Variants in PCDH9 observed in about 807,000 individuals in gnomAD.
PCDH9 encodes the protein protocadherin 9.
A neutral mutation model predicts 70.6 loss-of-function variants in PCDH9; 24 were observed. The observed-to-expected ratio is 0.34, with a 90% confidence interval of 0.25 to 0.48. The LOEUF (loss-of-function observed/expected upper bound fraction) is 0.48, where lower values mean the gene tolerates loss of function less well. Ranked by LOEUF, PCDH9 falls within the 20% of genes least tolerant of loss-of-function variation. PCDH9 has a pLI of 0.99. For synonymous variants in PCDH9, 562 were observed against 558.5 expected (o/e 1.01, Z -0.09); for missense variants, 1,281 against 1,503.6 (o/e 0.85, Z 2.45).
intron 3 of PCDH9, among the ~76,000 whole-genome samples, chr13:66,800,737 A>G (rs2080313260): frequency 6.6e-6 from 1 of 152,182 alleles, no homozygotes; most frequent in Non-Finnish European, 1.5e-5. Flanking sequence ...CTTGGTGAAA[A>G]TCAATCTTTG....
At chr13:66,902,110 C>T (rs1374973835) in intron 3 of PCDH9, among the ~76,000 whole-genome samples, 1 of 151,442 alleles carries the variant, frequency 6.6e-6, no homozygotes, top group South Asian at 2.1e-4. Flanking sequence ...TTGAAACATA[C>T]ACAGTGAAGA....
intron 4 of PCDH9, among the ~76,000 whole-genome samples, chr13:66,528,122 T>C (rs1246511572): frequency 6.6e-6 from 1 of 152,198 alleles, no homozygotes; most frequent in Non-Finnish European, 1.5e-5. Flanking sequence ...CTTTTTCTTT[T>C]CTGCAATTTC....
intron 4 of PCDH9, among the ~76,000 whole-genome samples, chr13:66,538,326 C>A (rs1452709573): frequency 6.6e-6 from 1 of 152,128 alleles, no homozygotes; most frequent in African/African-American, 2.4e-5. Flanking sequence ...TTTTTATAGA[C>A]AAATATTCAA....
At chr13:66,585,183 CATTT>C (rs567377660) in intron 4 of PCDH9, among the ~76,000 whole-genome samples, 6 of 151,864 alleles carry the variant, frequency 4.0e-5, no homozygotes, top group Non-Finnish European at 8.8e-5. Context: ...GTGGTGCATG[CATTT>C]ATTTATTTTA....
intron 3 of PCDH9, among the ~76,000 whole-genome samples, chr13:66,771,953 C>G (rs1313937045): frequency 1.3e-5 from 2 of 152,096 alleles, no homozygotes; most frequent in Non-Finnish European, 2.9e-5. Flanking sequence ...AAAAGAACAA[C>G]AACAAGCTCA....
intron 4 of PCDH9, among the ~76,000 whole-genome samples, chr13:66,574,861 A>C (rs751440116): frequency 7.2e-5 from 11 of 152,170 alleles, no homozygotes; most frequent in Non-Finnish European, 1.5e-4. Flanking sequence ...GGAAATAAAG[A>C]ATGACCTAGT....
Position 66,559,831 on chromosome 13 carries a change from T to TAC in PCDH9, c.3340+71378_3340+71379insGT, listed in dbSNP as rs143486261. On this transcript the variant is annotated intron_variant, in intron 4 of 4. Coordinates refer to ENST00000377865, the MANE Select transcript of PCDH9 (RefSeq NM_203487.3). ...AAAAAAAAAAAAATATATATATATA[T>TAC]ATACACACACACACACACACACACA... is the stretch of plus-strand genomic sequence containing the variant. 8.9e-3 allele frequency among the ~76,000 whole-genome samples: 1,005 copies of TAC among 112,526 alleles called. 12 individuals carry two copies. The highest frequency in any genetic ancestry group is 0.021 in the Middle Eastern group (5 of 234). The allele number at this position is 112,526 out of a possible 152,430, so 73.8% of individuals were successfully genotyped here. A position where few individuals can be genotyped will look rare whatever the true frequency, so the allele number is the denominator to read the frequency against.
At chr13:67,091,229 G>A (rs1408437456) in intron 2 of PCDH9, among the ~76,000 whole-genome samples, 1 of 151,992 alleles carries the variant, frequency 6.6e-6, no homozygotes, top group Non-Finnish European at 1.5e-5. Context: ...AATCACATAT[G>A]TTCTTTATTT....
At chr13:67,040,427 T>G (rs1007234576) in intron 2 of PCDH9, among the ~76,000 whole-genome samples, 1 of 152,092 alleles carries the variant, frequency 6.6e-6, no homozygotes, top group Non-Finnish European at 1.5e-5. Context: ...CTGGGTAACA[T>G]AGCAAGACCC....
rs966505338 is a variant in PCDH9, at chr13:67,044,212, T to C, written c.3037-140607A>G. Among the ~76,000 whole-genome samples, 80 of 152,142 alleles carry C rather than the reference T, an allele frequency of 5.3e-4. 1 individual carries two copies. The highest frequency in any genetic ancestry group is 8.8e-5 in the Non-Finnish European group (6 of 68,022). ...ATAAATTGGGTTAATTTTTCAAACTTCTTTATCCTGAACCTTTGTTCAATC... is the reference window on the plus strand; with the variant it reads ...ATAAATTGGGTTAATTTTTCAAACTCCTTTATCCTGAACCTTTGTTCAATC... On this transcript the variant is annotated intron_variant, in intron 2 of 4. Transcript: ENST00000377865.
Position 67,122,364 on chromosome 13 carries a change from A to G in PCDH9, c.3036+103041T>C, listed in dbSNP as rs572832138. Among the ~76,000 whole-genome samples, 60 of 152,236 alleles carry G rather than the reference A, an allele frequency of 3.9e-4. No homozygotes were observed. The East Asian group carries it at 0.011, about 29-fold the overall frequency. On this transcript the variant is annotated intron_variant, in intron 2 of 4. Coordinates refer to ENST00000377865, the MANE Select transcript of PCDH9 (RefSeq NM_203487.3). ...GAATTCATCGTTTAAAAAGAGTATA[A>G]CATGCTCTTTTTTGGCATGTTATAC...
chr13:67,149,678 A>G (rs569782757), intron 2 of PCDH9, among the ~76,000 whole-genome samples: 11 of 152,246 alleles, frequency 7.2e-5, no homozygotes, highest in Admixed American at 1.3e-4. Flanking sequence ...ACTTCCATGA[A>G]GAAAAATTAC....
chr13:66,444,240 A>T (rs1958028875), intron 4 of PCDH9, among the ~76,000 whole-genome samples: 1 of 152,188 alleles, frequency 6.6e-6, no homozygotes, highest in Non-Finnish European at 1.5e-5. Flanking sequence ...TACTGAGAGG[A>T]TTAATAATAA....
chr13:67,187,133 A>C (rs1399715338), intron 2 of PCDH9, among the ~76,000 whole-genome samples: 1 of 152,206 alleles, frequency 6.6e-6, no homozygotes, highest in Admixed American at 6.5e-5. Context: ...AAAGCTGAAC[A>C]TGATGGTCAT....
chr13:66,327,438 A>C (rs1028040103), intron 4 of PCDH9, among the ~76,000 whole-genome samples: 6 of 152,038 alleles, frequency 3.9e-5, no homozygotes, highest in Non-Finnish European at 7.4e-5. Context: ...AACTTTGAGA[A>C]GCAAAAGGGA....
chr13:66,768,080 CA>C (rs113285930), intron 3 of PCDH9, among the ~76,000 whole-genome samples: 1 of 150,956 alleles, frequency 6.6e-6, no homozygotes, highest in South Asian at 2.1e-4. Flanking sequence ...TGCTCTCAGC[CA>C]AAAAAAAGAC....
At chr13:66,783,952 G>A (rs1023907092) in intron 3 of PCDH9, among the ~76,000 whole-genome samples, 1 of 152,088 alleles carries the variant, frequency 6.6e-6, no homozygotes, top group Admixed American at 6.6e-5. Flanking sequence ...AGGGTTAAAT[G>A]TAGCAGAATA....
At chr13:66,570,583 A>G (rs2076720239) in intron 4 of PCDH9, among the ~76,000 whole-genome samples, 1 of 152,180 alleles carries the variant, frequency 6.6e-6, no homozygotes. Context: ...TTACAACTGT[A>G]TGTCAATCTT....
chr13:66,677,708 TA>T (rs1356893936), intron 3 of PCDH9, among the ~76,000 whole-genome samples: 28 of 152,048 alleles, frequency 1.8e-4, no homozygotes, highest in African/African-American at 6.8e-4. Context: ...CTGCCATGAT[TA>T]AAAGTTCCCA....
Sources: gnomAD v4.1 joint callset for allele counts (sites outside exome capture counted in the v4.1 genomes callset) on GRCh38, gnomAD v4.1.1 for gene constraint, MANE v1.5 for transcripts, NCBI Gene and HGNC (gene_info 2026-07-23, HGNC 2026-07-21) for gene names.